Variants in ZFPM1 observed in about 807,000 individuals in gnomAD.
The protein encoded by ZFPM1 is zinc finger protein, FOG family member 1, also known as zinc finger protein ZFPM1.
A neutral mutation model predicts 46.3 loss-of-function variants in ZFPM1; 28 were observed. The observed-to-expected ratio is 0.60, with a 90% CI of 0.45 to 0.83. The LOEUF (loss-of-function observed/expected upper bound fraction) is 0.83. Ranked by LOEUF, ZFPM1 falls within the 40% of genes least tolerant of loss-of-function variation. The pLI is 0.00. For synonymous variants in ZFPM1, 957 were observed against 675.9 expected, an observed-to-expected ratio of 1.42 and a Z score of -6.45; for missense variants, 1,878 against 1,432.4, an observed-to-expected ratio of 1.31 and a Z score of -5.02.
At chr16:88,462,604 G>C (rs1358722467) in intron 1 of ZFPM1, among the ~76,000 whole-genome samples, 1 of 152,194 alleles carries the variant, frequency 6.6e-6, no homozygotes, top group Non-Finnish European at 1.5e-5. Flanking sequence ...GAGAAGGAGA[G>C]GGCAGCCACC....
rs578222991 is a variant in ZFPM1 at position 88,516,632 on chromosome 16, C to T, written c.402+2112C>T. 2.6e-4 allele frequency: 102 copies of T among 398,676 alleles called. No individual in the cohort carries two copies. In the East Asian group the frequency reaches 3.6e-3, roughly 14 times the overall value. The allele number at this position is 398,676 out of a possible 1,614,324, so 24.7% of individuals were successfully genotyped here. A position where few individuals can be genotyped will look rare whatever the true frequency, so the allele number is the denominator to read the frequency against. On this transcript the variant is annotated intron_variant, in intron 4 of 9. Coordinates refer to ENST00000319555, the MANE Select transcript of ZFPM1 (RefSeq NM_153813.3). Reference sequence around the variant, plus strand: ...AGATGATTGATTTCTTCAAGATATGCACGCCTTTCCGATACTTCATTTATT... The same window carrying T: ...AGATGATTGATTTCTTCAAGATATGTACGCCTTTCCGATACTTCATTTATT...
Position 88,480,610 on chromosome 16 carries a change from G to A in ZFPM1, c.41-5329G>A, listed in dbSNP as rs535695577. ...GCCAGCATAGGCGCCTGTGTCCCCT[G>A]CAGGCACCCACTGGGGACTTAGGCT... On this transcript the variant is annotated intron_variant, in intron 1 of 9. Transcript: ENST00000319555. This position sits in a 1 kb window ranked among gnomAD's most constrained non-coding sequence, Gnocchi z 4.9. 6.6e-6 allele frequency among the ~76,000 whole-genome samples: 1 copy of A among 152,244 alleles called. No individual in the cohort carries two copies. The highest frequency in any genetic ancestry group is 1.5e-5 in the Non-Finnish European group (1 of 68,046).
chr16:88,490,165 TG>T (rs1555524732), intron 3 of ZFPM1, among the ~76,000 whole-genome samples: 1 of 152,032 alleles, frequency 6.6e-6, no homozygotes, highest in Non-Finnish European at 1.5e-5. Context: ...GCCATTCTCC[TG>T]CCTCAGCCTC....
chr16:88,463,701 C>T (rs190298657), intron 1 of ZFPM1, among the ~76,000 whole-genome samples: 4 of 152,218 alleles, frequency 2.6e-5, no homozygotes, highest in East Asian at 1.9e-4. Context: ...GAGGAGGGAA[C>T]GAGAGGAGGG....
chr16:88,511,141 A>C (rs1049931813), intron 3 of ZFPM1, among the ~76,000 whole-genome samples: 6 of 152,134 alleles, frequency 3.9e-5, no homozygotes, highest in African/African-American at 1.4e-4. Context: ...CACCCCCTGG[A>C]AGCCCACCCT....
intron 7 of ZFPM1, 41 bp from the exon 8 acceptor site, chr16:88,532,572 TA>T: frequency 1.3e-6 from 2 of 1,539,872 alleles, no homozygotes; most frequent in Non-Finnish European, 1.8e-6. Context: ...GTCCCAAGGT[TA>T]AGCTGGCCCG....
intron 1 of ZFPM1, 98 bp downstream of exon 1, chr16:88,453,776 C>A: frequency 1.4e-6 from 1 of 716,638 alleles, no homozygotes; most frequent in Non-Finnish European, 1.7e-6. Flanking sequence ...CTGCCCTGGG[C>A]GCCGGCGACC....
In ZFPM1 at chr16:88,536,213, C is replaced by G. The variant is rs1913240032; in HGVS notation, c.*1234C>G. On this transcript the variant is annotated 3_prime_UTR_variant, in exon 10 of 10. Coordinates refer to ENST00000319555, the MANE Select transcript of ZFPM1 (RefSeq NM_153813.3). ...TAGAGCTAAGGTCTTGTTCGGTTCCCCAGGCTGAAGTTCAGTGGCACGATC... is the reference window on the plus strand; with the variant it reads ...TAGAGCTAAGGTCTTGTTCGGTTCCGCAGGCTGAAGTTCAGTGGCACGATC... 1 of 152,246 alleles carries G rather than the reference C, an allele frequency of 6.6e-6. No homozygotes were observed. Among genetic ancestry groups the G allele is most frequent in the Middle Eastern group, 3.4e-3 (1 of 294 alleles). The allele number at this position is 152,246 out of a possible 1,614,324, so 9.4% of individuals were successfully genotyped here. A position where few individuals can be genotyped will look rare whatever the true frequency, so the allele number is the denominator to read the frequency against.
In ZFPM1 at chr16:88,535,646, C is replaced by T. The variant is rs1025682952; in HGVS notation, c.*667C>T. 15 of 152,318 alleles carry T rather than the reference C, an allele frequency of 9.8e-5. No individual in the cohort carries two copies. Among genetic ancestry groups the T allele is most frequent in the African/African-American group, 3.4e-4 (14 of 41,434 alleles). The allele number at this position is 152,318 out of a possible 1,614,324, so 9.4% of individuals were successfully genotyped here. A position where few individuals can be genotyped will look rare whatever the true frequency, so the allele number is the denominator to read the frequency against. ...CGAGTAGGTGGACAGGAGAGGGAGACCGAGGCCGAAGCATTCCCTGGCCTC... is the reference window on the plus strand; with the variant it reads ...CGAGTAGGTGGACAGGAGAGGGAGATCGAGGCCGAAGCATTCCCTGGCCTC... On this transcript the variant is annotated 3_prime_UTR_variant, in exon 10 of 10. Transcript: ENST00000319555.
intron 3 of ZFPM1, among the ~76,000 whole-genome samples, chr16:88,490,228 A>G (rs1323999626): frequency 2.0e-5 from 3 of 151,720 alleles, no homozygotes; most frequent in Non-Finnish European, 2.9e-5. Context: ...TAATTTTTCT[A>G]TTTTGAGGAG....
intron 4 of ZFPM1, among the ~76,000 whole-genome samples, chr16:88,518,737 G>GTGGATGGATGGATGGA (rs56367074): frequency 7.9e-6 from 1 of 126,122 alleles, no homozygotes; most frequent in African/African-American, 3.3e-5. Flanking sequence ...GGCTGAGAGG[G>GTGGATGGATGGATGGA]TGGATGGATG....
intron 1 of ZFPM1, among the ~76,000 whole-genome samples, chr16:88,478,938 A>G (rs1344857808): frequency 6.6e-6 from 1 of 152,182 alleles, no homozygotes; most frequent in Non-Finnish European, 1.5e-5. Flanking sequence ...GCTCCGGGCC[A>G]CACCGGGGTG....
chr16:88,485,965 G>A lies in ZFPM1; in HGVS notation c.67G>A (p.Glu23Lys), dbSNP rs769699408. The change falls in exon 2 of 10, where the codon GAG (glutamate) becomes AAG (lysine). Residue 23 changes from glutamate (E) to lysine (K), a missense_variant. Glu to Lys is a moderately conservative substitution (Grantham distance 56, BLOSUM62 1). Coordinates refer to ENST00000319555, the MANE Select transcript of ZFPM1 (RefSeq NM_153813.3). ...TTCCCTCGGAGACATGGAGGCCAGA[G>A]AGGAGGTGCAGTTGGTGGGTGCCAG... The part of the protein sequence containing the change: ...KRSLGDMEAR[E>K]EVQLVGASHM... 5 of 1,612,766 alleles carry A rather than the reference G, an allele frequency of 3.1e-6. No homozygotes were observed. The highest frequency in any genetic ancestry group is 4.2e-6 in the Non-Finnish European group (5 of 1,179,904).
intron 3 of ZFPM1, among the ~76,000 whole-genome samples, chr16:88,498,613 G>A (rs1168296912): frequency 6.6e-6 from 1 of 151,982 alleles, no homozygotes; most frequent in East Asian, 2.0e-4. Context: ...AGCCGGCCTC[G>A]CTGAGCCGAC....
Position 88,531,986 on chromosome 16 carries a change from G to T in ZFPM1, c.713-16G>T, listed in dbSNP as rs776707746. The T allele has an allele frequency of 2.5e-6, 4 of 1,583,778 alleles. No homozygotes were observed. Among genetic ancestry groups the T allele is most frequent in the African/African-American group, 1.3e-5 (1 of 74,280 alleles). On this transcript the variant is annotated splice_polypyrimidine_tract_variant and intron_variant, in intron 6 of 9. Transcript: ENST00000319555. ...GCTGGCCTTCAGCCTGACCCCGCCTGCTTCCCACCCCACAGAAGACGTCTT... is the reference window on the plus strand; with the variant it reads ...GCTGGCCTTCAGCCTGACCCCGCCTTCTTCCCACCCCACAGAAGACGTCTT...
intron 3 of ZFPM1, among the ~76,000 whole-genome samples, chr16:88,502,550 C>G (rs948515464): frequency 1.3e-5 from 2 of 152,210 alleles, no homozygotes; most frequent in Admixed American, 6.5e-5. Context: ...GGGCTTGTCC[C>G]CAGCCTCCCA....
At chr16:88,502,891 A>G (rs1165462118) in intron 3 of ZFPM1, among the ~76,000 whole-genome samples, 3 of 152,256 alleles carry the variant, frequency 2.0e-5, no homozygotes, top group Non-Finnish European at 2.9e-5. Flanking sequence ...CTCTGCACAC[A>G]CGGTGGCCGG....
rs1262745344 is a variant in ZFPM1, at chr16:88,453,678, C to A, written c.40C>A (p.Arg14Ser). 1.8e-5 allele frequency: 22 copies of A among 1,199,974 alleles called. No individual in the cohort carries two copies. In the East Asian group the frequency reaches 1.4e-3, roughly 74 times the overall value. 74.3% of individuals were successfully genotyped at this position (1,199,974 alleles called of 1,614,324 possible). The stretch of plus-strand genomic sequence containing the variant: ...ACAGAGCAACCCCCGGCAGATCAAG[C>A]GTGAGTCAAACTTTGCCCGCGGTCC... ...RKQSNPRQIK[R>S]SLGDMEAREE... The change falls in exon 1 of 10, where the codon CGT becomes AGT. Residue 14 changes from arginine (R) to serine (S), a missense_variant and splice_region_variant. By Grantham distance (110) the Arg-to-Ser change is moderately radical (BLOSUM62 -1). Coordinates refer to ENST00000319555, the MANE Select transcript of ZFPM1 (RefSeq NM_153813.3).
chr16:88,486,724 G>A (rs1036599069), intron 2 of ZFPM1, among the ~76,000 whole-genome samples: 1 of 150,154 alleles, frequency 6.7e-6, no homozygotes, highest in Non-Finnish European at 1.5e-5. Flanking sequence ...GGGCACAGTG[G>A]ATGCTGGGTG....
Sources: gnomAD v4.1 joint callset for allele counts (sites outside exome capture counted in the v4.1 genomes callset) on GRCh38, gnomAD v4.1.1 for gene constraint, Gnocchi (gnomAD v3.1) non-coding constraint, MANE v1.5 for transcripts, NCBI Gene and HGNC (gene_info 2026-07-23, HGNC 2026-07-21) for gene names.